The following CYP2U1 variants were observed in gnomAD, a reference collection of about 807,000 sequenced individuals.
CYP2U1 encodes the protein cytochrome P450 2U1.
In CYP2U1, 28 loss-of-function variants were observed where a neutral mutation model predicts 42.8. The ratio of observed to expected loss-of-function variants is 0.65; its 90% CI spans 0.48 to 0.90. The LOEUF is 0.90. CYP2U1 is among the 40% of genes least tolerant of loss of function. CYP2U1 has a pLI of 0.00. For synonymous variants in CYP2U1, 296 were observed against 278.9 expected (o/e 1.06, Z -0.61); for missense variants, 642 against 693.8 (o/e 0.93, Z 0.84).
intron 1 of CYP2U1, 118 bp from the exon 2 acceptor site, chr4:107,944,852 T>TATATATATATATATATATATA (rs536313224): frequency 1.1e-3 from 109 of 101,008 alleles, no homozygotes; most frequent in East Asian, 4.3e-3. Context: ...ATATATATAT[T>TATATATATATATATATATATA]TATATGAGGA....
At chr4:107,932,891 T>C (rs1468053334) in intron 1 of CYP2U1, among the ~76,000 whole-genome samples, 1 of 152,220 alleles carries the variant, frequency 6.6e-6, no homozygotes, top group Non-Finnish European at 1.5e-5. Flanking sequence ...CCAGGTCCCT[T>C]GCCCAAGCAC....
chr4:107,940,251 A>ATT (rs112981385), intron 1 of CYP2U1: 25,600 of 150,230 alleles, frequency 0.17, 2,403 homozygotes, highest in Non-Finnish European at 0.21. Context: ...AGCTAATTAA[A>ATT]ATTTTTTTTT....
At chr4:107,932,368 A>G (rs541551642) in intron 1 of CYP2U1, among the ~76,000 whole-genome samples, 5 of 152,342 alleles carry the variant, frequency 3.3e-5, no homozygotes, top group African/African-American at 9.6e-5. Flanking sequence ...TCATAAGTAG[A>G]AAAGTCATCC....
intron 1 of CYP2U1, among the ~76,000 whole-genome samples, chr4:107,944,470 A>ATTTT: frequency 7.0e-6 from 1 of 143,114 alleles, no homozygotes; most frequent in South Asian, 2.3e-4. Flanking sequence ...CACCCGGCTA[A>ATTTT]TTTTTTTTTT....
intron 1 of CYP2U1, chr4:107,936,408 G>C (rs1733268513): frequency 6.6e-6 from 1 of 152,386 alleles, no homozygotes; most frequent in African/African-American, 2.4e-5. Flanking sequence ...GAGTGGGTTA[G>C]TTATTGTGGG....
intron 3 of CYP2U1, among the ~76,000 whole-genome samples, 190 bp downstream of exon 3, chr4:107,947,727 AT>A (rs1345407938): frequency 1.3e-5 from 2 of 152,212 alleles, no homozygotes; most frequent in African/African-American, 4.8e-5. Flanking sequence ...TTGTACTAGA[AT>A]TCTACTACTG....
intron 1 of CYP2U1, among the ~76,000 whole-genome samples, chr4:107,933,508 CT>C (rs1041437237): frequency 1.3e-5 from 2 of 152,176 alleles, no homozygotes; most frequent in African/African-American, 4.8e-5. Context: ...GTATTATGAT[CT>C]TTATCCCTAC....
Position 107,950,391 on chromosome 4 carries a change from C to T in CYP2U1, c.1603C>T (p.His535Tyr). 1 of 1,612,104 alleles carries T rather than the reference C, an allele frequency of 6.2e-7. No homozygotes were observed. The highest frequency in any genetic ancestry group is 8.5e-7 in the Non-Finnish European group (1 of 1,179,538). ...TGRFGLTLAP[H>Y]PFNITISRR ...AAGATTTGGTCTAACTTTAGCCCCA[C>T]ATCCATTTAATATAACTATTTCAAG... Residue 535 changes from histidine to tyrosine, a missense_variant, in exon 5 of 5, where the codon CAT becomes TAT. Physicochemically the swap from His to Tyr is moderately conservative, Grantham distance 83. Coordinates refer to ENST00000332884, the MANE Select transcript of CYP2U1 (RefSeq NM_183075.3).
chr4:107,942,980 AAAAATC>A (rs1733551811), intron 1 of CYP2U1, among the ~76,000 whole-genome samples: 1 of 152,214 alleles, frequency 6.6e-6, no homozygotes, highest in African/African-American at 2.4e-5. Context: ...TAGAAACTTA[AAAAATC>A]AGATGATAAA....
chr4:107,931,691 G>A lies in CYP2U1; in HGVS notation c.48G>A (p.Trp16Ter). Residue 16 changes from tryptophan (W) to a stop codon, truncating the protein, a stop_gained, in exon 1 of 5, where the codon TGG (tryptophan) becomes TGA (stop). Coordinates refer to ENST00000332884, the MANE Select transcript of CYP2U1 (RefSeq NM_183075.3). LOFTEE classifies it high-confidence loss of function. ...PSQPPAEDPP[W>*]PARLLRAPLG... ...AGCCGCCGGCCGAGGACCCGCCCTG[G>A]CCCGCGCGCCTCCTGCGTGCGCCTC... 3 of 1,338,424 alleles carry A rather than the reference G, an allele frequency of 2.2e-6. No individual in the cohort carries two copies. The highest frequency in any genetic ancestry group is 3.1e-5 in the East Asian group (1 of 31,878). The allele number at this position is 1,338,424 out of a possible 1,614,324, so 82.9% of individuals were successfully genotyped here.
chr4:107,941,459 A>C (rs890357457), intron 1 of CYP2U1, among the ~76,000 whole-genome samples: 3 of 152,152 alleles, frequency 2.0e-5, no homozygotes, highest in Admixed American at 1.3e-4. Flanking sequence ...GAGAGGACAT[A>C]TTCCTCAAAA....
intron 1 of CYP2U1, among the ~76,000 whole-genome samples, chr4:107,943,905 A>G (rs1026657666): frequency 6.6e-6 from 1 of 152,372 alleles, no homozygotes; most frequent in South Asian, 2.1e-4. Flanking sequence ...GAACAATTTG[A>G]TACAACATCT....
chr4:107,950,583 G>T lies in CYP2U1; in HGVS notation c.*160G>T. The stretch of plus-strand genomic sequence containing the variant: ...AGAGCACACTGGGAGGTTTCATCTT[G>T]GAGGATTCCTCAGCAGGATACTTCA... On this transcript the variant is annotated 3_prime_UTR_variant, in exon 5 of 5. Coordinates refer to ENST00000332884, the MANE Select transcript of CYP2U1 (RefSeq NM_183075.3). The T allele has an allele frequency of 1.5e-6, 1 of 646,026 alleles. No homozygotes were observed. The highest frequency in any genetic ancestry group is 3.0e-5 in the East Asian group (1 of 33,584). The allele number at this position is 646,026 out of a possible 1,614,324, so 40.0% of individuals were successfully genotyped here. A position where few individuals can be genotyped will look rare whatever the true frequency, so the allele number is the denominator to read the frequency against.
At chr4:107,934,852 T>C (rs933924376) in intron 1 of CYP2U1, among the ~76,000 whole-genome samples, 4 of 152,244 alleles carry the variant, frequency 2.6e-5, no homozygotes, top group African/African-American at 9.6e-5. Flanking sequence ...CTTTCAGTGC[T>C]ATTTTGGTCA....
At position 107,947,510 on chromosome 4, in the gene CYP2U1, A is replaced by C; in HGVS notation, c.1261A>C (p.Ile421Leu). 15 of 1,614,088 alleles carry C rather than the reference A, an allele frequency of 9.3e-6. No homozygotes were observed. Among genetic ancestry groups the C allele is most frequent in the Non-Finnish European group, 1.2e-5 (14 of 1,179,998 alleles). ...QRLTVVVPLA[I>L]PHMTSENTVL... Reference sequence around the variant, plus strand: ...GCTAACTGTGGTGGTGCCGCTTGCCATTCCTCATATGACCTCAGAGAACAC... The same window carrying C: ...GCTAACTGTGGTGGTGCCGCTTGCCCTTCCTCATATGACCTCAGAGAACAC... Residue 421 changes from isoleucine (I) to leucine (L), a missense_variant, in exon 3 of 5, where the codon ATT (isoleucine) becomes CTT (leucine). Physicochemically the swap from Ile to Leu is conservative, Grantham distance 5. Transcript: ENST00000332884.
At chr4:107,942,350 T>TA (rs926042129) in intron 1 of CYP2U1, among the ~76,000 whole-genome samples, 6 of 152,016 alleles carry the variant, frequency 3.9e-5, no homozygotes, top group East Asian at 1.9e-4. Context: ...CCTCTGTGTT[T>TA]AAAAAAAATA....
Position 107,950,404 on chromosome 4 carries a change from T to G in CYP2U1, c.1616T>G (p.Ile539Arg), listed in dbSNP as rs1442759515. 1.9e-6 allele frequency: 3 copies of G among 1,609,924 alleles called. No individual in the cohort carries two copies. In the East Asian group the frequency reaches 6.7e-5, roughly 36 times the overall value. ...GLTLAPHPFN[I>R]TISRR ...ACTTTAGCCCCACATCCATTTAATA[T>G]AACTATTTCAAGGAGATGAAGAGCA... The change falls in exon 5 of 5, where the codon ATA becomes AGA. Residue 539 changes from isoleucine to arginine, a missense_variant. Transcript: ENST00000332884.
At chr4:107,934,464 A>G (rs1459269155) in intron 1 of CYP2U1, among the ~76,000 whole-genome samples, 1 of 151,936 alleles carries the variant, frequency 6.6e-6, no homozygotes, top group East Asian at 1.9e-4. Flanking sequence ...AGCTACCATC[A>G]TTTCTAAGCT....
Position 107,953,346 on chromosome 4 carries a change from G to C in CYP2U1, c.*2923G>C, listed in dbSNP as rs1026130501. 2 of 152,036 alleles carry C rather than the reference G, an allele frequency of 1.3e-5. No individual in the cohort carries two copies. Among genetic ancestry groups the C allele is most frequent in the Non-Finnish European group, 2.9e-5 (2 of 68,010 alleles). 9.4% of individuals were successfully genotyped at this position (152,036 alleles called of 1,614,324 possible). A position where few individuals can be genotyped will look rare whatever the true frequency, so the allele number is the denominator to read the frequency against. On this transcript the variant is annotated 3_prime_UTR_variant, in exon 5 of 5. Transcript: ENST00000332884. ...ATTGGCATTTTACAATTTTGCACAT[G>C]GTTTATTTGAAATCAAAAAATAACT...
Sources: gnomAD v4.1 joint callset for allele counts (sites outside exome capture counted in the v4.1 genomes callset) on GRCh38, gnomAD v4.1.1 for gene constraint, MANE v1.5 for transcripts, NCBI Gene and HGNC (gene_info 2026-07-23, HGNC 2026-07-21) for gene names.